DST: variants seen among roughly 807,000 people sequenced by gnomAD.
DST encodes the protein dystonin.
A neutral mutation model predicts 875.2 loss-of-function variants in DST; 253 were observed. That is an observed-to-expected ratio of 0.29 (90% confidence interval 0.26 to 0.32). The LOEUF is 0.32. DST is among the 10% of genes least tolerant of loss of function. The probability of loss-of-function intolerance (pLI) is 1.00; values close to 1 mark genes in which losing one functional copy is unlikely to be tolerated. For synonymous variants in DST, 3,124 were observed against 3,197.1 expected (o/e 0.98, Z 0.77); for missense variants, 8,287 against 9,111.6 (o/e 0.91, Z 3.68).
At chr6:56,750,604 C>G (rs573039529) in intron 4 of DST, among the ~76,000 whole-genome samples, 2 of 152,080 alleles carry the variant, frequency 1.3e-5, no homozygotes, top group African/African-American at 4.8e-5. Context: ...AGAAAATATG[C>G]AAAAGAAAAG....
At chr6:56,681,592 G>A (rs189577125) in intron 9 of DST, among the ~76,000 whole-genome samples, 11 of 152,232 alleles carry the variant, frequency 7.2e-5, no homozygotes, top group African/African-American at 2.6e-4. Flanking sequence ...TATAATAGCA[G>A]TACCTCTTGT....
chr6:56,920,456 C>T (rs546915071), intron 2 of DST, among the ~76,000 whole-genome samples: 3 of 152,258 alleles, frequency 2.0e-5, no homozygotes, highest in South Asian at 4.2e-4. Context: ...GCTCACCATG[C>T]GCCCAGCTAC....
intron 95 of DST, among the ~76,000 whole-genome samples, chr6:56,470,823 C>G (rs1329587304): frequency 2.2e-5 from 3 of 139,394 alleles, no homozygotes; most frequent in Non-Finnish European, 4.8e-5. Flanking sequence ...CACACACACA[C>G]AGAAAACACC....
At chr6:56,854,999 T>C (rs1385439719) in intron 3 of DST, among the ~76,000 whole-genome samples, 2 of 152,172 alleles carry the variant, frequency 1.3e-5, no homozygotes, top group African/African-American at 4.8e-5. Flanking sequence ...GGAGTAACCA[T>C]ACCAACAAGG....
Position 56,598,602 on chromosome 6 carries a change from C to A in DST, c.11802G>T (p.Lys3934Asn). Residue 3934 changes from lysine (K) to asparagine (N), a missense_variant, in exon 46 of 104, where the codon AAG becomes AAT. Around this residue, in one of 10 missense-constraint regions of DST, gnomAD observed 1,513 missense variants for 1,677.8 expected, o/e 0.90. Coordinates refer to ENST00000680361, the MANE Select transcript of DST (RefSeq NM_001374736.1). Reference sequence around the variant, plus strand: ...CATTAAGTTTCTGTTCAATCAAAGCCTTATCTTCCTGTGACAGCTTTTCAC... The same window carrying A: ...CATTAAGTTTCTGTTCAATCAAAGCATTATCTTCCTGTGACAGCTTTTCAC... Reference protein sequence around the residue: ...ENGEKLSQEDKALIEQKLNEA... With the variant: ...ENGEKLSQEDNALIEQKLNEA... 3 of 1,612,322 alleles carry A rather than the reference C, an allele frequency of 1.9e-6. No homozygotes were observed. Among genetic ancestry groups the A allele is most frequent in the Non-Finnish European group, 2.5e-6 (3 of 1,178,950 alleles).
chr6:56,843,799 G>A (rs2099803873), intron 4 of DST: 2 of 596,900 alleles, frequency 3.4e-6, no homozygotes, highest in South Asian at 1.5e-4. Flanking sequence ...GGCGGTCAGC[G>A]CCCCGGCTGG....
At chr6:56,600,027 A>G (rs2098430486) in intron 45 of DST, 42 bp downstream of exon 45, 2 of 1,536,734 alleles carry the variant, frequency 1.3e-6, no homozygotes, top group Non-Finnish European at 1.8e-6. Context: ...GTAATCGAAC[A>G]TAACATCAAC....
chr6:56,481,527 G>A (rs1299055201), intron 90 of DST, among the ~76,000 whole-genome samples: 1 of 152,064 alleles, frequency 6.6e-6, no homozygotes, highest in East Asian at 1.9e-4. Flanking sequence ...GTATACTATA[G>A]GTTTCTTCTA....
intron 4 of DST, among the ~76,000 whole-genome samples, chr6:56,751,457 TA>T (rs1157336653): frequency 3.4e-5 from 5 of 148,728 alleles, no homozygotes; most frequent in African/African-American, 7.3e-5. Context: ...TTTTAACAAT[TA>T]TTTTTTTACA....
intron 4 of DST, among the ~76,000 whole-genome samples, chr6:56,743,534 G>A (rs539398042): frequency 3.9e-5 from 6 of 152,140 alleles, no homozygotes; most frequent in Admixed American, 6.5e-5. Context: ...TCCGCTACAC[G>A]AAAGCCTAAG....
chr6:56,544,064 G>A (rs2152538902), intron 61 of DST, among the ~76,000 whole-genome samples: 1 of 152,246 alleles, frequency 6.6e-6, no homozygotes, highest in Admixed American at 6.5e-5. Context: ...TTCAAGACGT[G>A]AAATATTTCA....
chr6:56,833,373 A>G (rs1562082326), intron 4 of DST, among the ~76,000 whole-genome samples: 1 of 152,216 alleles, frequency 6.6e-6, no homozygotes, highest in Non-Finnish European at 1.5e-5. Flanking sequence ...TCAAATTACC[A>G]TAACAAAACT....
At chr6:56,815,063 C>T (rs757392333) in intron 4 of DST, among the ~76,000 whole-genome samples, 1 of 152,072 alleles carries the variant, frequency 6.6e-6, no homozygotes, top group Non-Finnish European at 1.5e-5. Flanking sequence ...GTGGGCAAGT[C>T]GCTTATCCTC....
intron 9 of DST, chr6:56,692,962 C>T: frequency 7.8e-7 from 1 of 1,289,788 alleles, no homozygotes; most frequent in Non-Finnish European, 1.0e-6. Context: ...CTGACTGCTG[C>T]TCTTCTTCTT....
At chr6:56,624,446 T>A (rs1430432230) in intron 36 of DST, 84 bp downstream of exon 36, 1 of 850,616 alleles carries the variant, frequency 1.2e-6, no homozygotes, top group African/African-American at 1.7e-5. Context: ...TCATGAAACA[T>A]GTTTTGCTTT....
intron 2 of DST, among the ~76,000 whole-genome samples, chr6:56,921,930 C>T (rs564254390): frequency 5.3e-4 from 81 of 152,244 alleles, no homozygotes; most frequent in Non-Finnish European, 5.4e-4. Flanking sequence ...GGCACAAAGA[C>T]TTTGCACACA....
chr6:56,496,749 G>A (rs866580766), intron 82 of DST, among the ~76,000 whole-genome samples: 8 of 152,006 alleles, frequency 5.3e-5, no homozygotes, highest in South Asian at 2.1e-4. Context: ...CAATAGCAAA[G>A]ACTTGGAACC....
chr6:56,704,336 A>T lies in DST; in HGVS notation c.721T>A (p.Leu241Ile). 1 of 1,577,708 alleles carries T rather than the reference A, an allele frequency of 6.3e-7. No homozygotes were observed. Among genetic ancestry groups the T allele is most frequent in the Non-Finnish European group, 8.6e-7 (1 of 1,160,454 alleles). ...RKHVNDLYED[L>I]RDGHNLISLL... ...GAAATCAAATTGTGTCCATCCCTTA[A>T]GTCTTCATAGAGATCATTCACATGT... Residue 241 changes from leucine to isoleucine, a missense_variant, in exon 6 of 104, where the codon TTA becomes ATA. Leu to Ile is a conservative substitution (Grantham distance 5, BLOSUM62 2). This residue lies in a region of DST where 1,160 missense variants were observed against 1,424.3 expected (regional missense o/e 0.81). Transcript: ENST00000680361.
intron 92 of DST, chr6:56,474,489 A>C (rs2095068094): frequency 1.3e-5 from 2 of 152,590 alleles, no homozygotes; most frequent in Admixed American, 1.3e-4. Flanking sequence ...GCTCCGTCTC[A>C]AAAATAAATA....
Sources: allele counts gnomAD v4.1 joint callset (sites outside exome capture counted in the v4.1 genomes callset), GRCh38; gene constraint gnomAD v4.1.1; regional missense constraint gnomAD v4.1.1; transcripts MANE v1.5; gene names NCBI Gene and HGNC (gene_info 2026-07-23, HGNC 2026-07-21).